RIMS2: variants seen among roughly 807,000 people sequenced by gnomAD.
RIMS2 encodes regulating synaptic membrane exocytosis protein 2.
A neutral mutation model predicts 174.4 loss-of-function variants in RIMS2; 59 were observed. The ratio of observed to expected loss-of-function variants is 0.34; its 90% CI spans 0.27 to 0.42. RIMS2 has a LOEUF of 0.42. Ranked by LOEUF, RIMS2 falls within the 10% of genes least tolerant of loss-of-function variation. The probability of loss-of-function intolerance (pLI) is 1.00; values close to 1 mark genes in which losing one functional copy is unlikely to be tolerated. For synonymous variants in RIMS2, 606 were observed against 572.5 expected (o/e 1.06, Z -0.84); for missense variants, 1,620 against 1,666.3 (o/e 0.97, Z 0.48).
chr8:103,590,084 T>C (rs2094173844), intron 1 of RIMS2, among the ~76,000 whole-genome samples: 2 of 151,402 alleles, frequency 1.3e-5, no homozygotes, highest in Non-Finnish European at 3.0e-5. Context: ...TAGAGGGTAA[T>C]TGGATTGTTT....
chr8:103,600,081 CTCTA>C (rs2094652590), intron 1 of RIMS2, among the ~76,000 whole-genome samples: 2 of 152,184 alleles, frequency 1.3e-5, no homozygotes, highest in African/African-American at 4.8e-5. Flanking sequence ...TCCTTCTACT[CTCTA>C]TCTCCCACAA....
chr8:103,810,005 T>A (rs957363187), intron 3 of RIMS2, among the ~76,000 whole-genome samples: 1 of 152,200 alleles, frequency 6.6e-6, no homozygotes. Flanking sequence ...GTAAGTCAGA[T>A]AATCTTAGCT....
intron 19 of RIMS2, 49 bp downstream of exon 22, chr8:104,041,407 C>T (rs1399252002): frequency 4.5e-6 from 3 of 664,564 alleles, no homozygotes; most frequent in Non-Finnish European, 2.7e-6. Flanking sequence ...TCTAACTTGT[C>T]CTAGAAATGT....
At chr8:103,572,162 G>A (rs1436797267) in intron 1 of RIMS2, among the ~76,000 whole-genome samples, 1 of 152,136 alleles carries the variant, frequency 6.6e-6, no homozygotes, top group Non-Finnish European at 1.5e-5. Context: ...CTTCAGGAGT[G>A]AAGCTGCAGA....
intron 2 of RIMS2, among the ~76,000 whole-genome samples, chr8:103,722,533 G>A (rs1027297944): frequency 6.6e-6 from 1 of 152,102 alleles, no homozygotes; most frequent in African/African-American, 2.4e-5. Flanking sequence ...GATAGGATTT[G>A]TGTTCCTGTG....
intron 2 of RIMS2, among the ~76,000 whole-genome samples, chr8:103,738,161 T>G (rs542017578): frequency 6.6e-6 from 1 of 152,308 alleles, no homozygotes; most frequent in African/African-American, 2.4e-5. Context: ...TCACTAATTT[T>G]CTTCCCTGCC....
chr8:103,716,397 T>C (rs1047419682), intron 2 of RIMS2, 77 bp downstream of exon 5: 1 of 152,186 alleles, frequency 6.6e-6, no homozygotes, highest in South Asian at 2.1e-4. Flanking sequence ...ATAGCTATAT[T>C]TAATTTATAT....
intron 1 of RIMS2, among the ~76,000 whole-genome samples, chr8:103,660,147 G>A (rs1564188885): frequency 6.6e-6 from 1 of 152,192 alleles, no homozygotes; most frequent in Non-Finnish European, 1.5e-5. Context: ...CAATTACCTG[G>A]ATGTTGAGGA....
In RIMS2 at chr8:103,881,070, G is replaced by A. The variant is rs534995128; in HGVS notation, c.699-4228G>A. ...TGATTTACATATTTTTATTTATAAA[G>A]TAACAATTTTTTAATGATCTCTACT... On this transcript the variant is annotated intron_variant, in intron 3 of 23. Transcript: ENST00000504942. Among the ~76,000 whole-genome samples the A allele has an allele frequency of 8.6e-5, 13 of 151,422 alleles. No homozygotes were observed. The East Asian group carries it at 2.5e-3, about 29-fold the overall frequency.
At chr8:103,998,202 C>T (rs767227927) in intron 17 of RIMS2, 1 of 1,607,244 alleles carries the variant, frequency 6.2e-7, no homozygotes, top group Non-Finnish European at 8.5e-7. Flanking sequence ...CTTACTCTAC[C>T]TCGCTCCAGA....
chr8:104,210,084 AAGGCTAAAGTCC>A (rs1353944288), intron 19 of RIMS2, among the ~76,000 whole-genome samples: 1 of 152,178 alleles, frequency 6.6e-6, no homozygotes, highest in Non-Finnish European at 1.5e-5. Flanking sequence ...CAATACCACA[AAGGCTAAAGTCC>A]AAATGACCTG....
intron 1 of RIMS2, among the ~76,000 whole-genome samples, chr8:103,637,111 T>A (rs2096105824): frequency 6.6e-6 from 1 of 152,192 alleles, no homozygotes; most frequent in Non-Finnish European, 1.5e-5. Context: ...ACAGGAACTG[T>A]TCTGGCTTAC....
intron 1 of RIMS2, among the ~76,000 whole-genome samples, chr8:103,596,895 T>C (rs1238337537): frequency 3.3e-5 from 5 of 152,118 alleles, no homozygotes; most frequent in Non-Finnish European, 7.4e-5. Context: ...TGCTGAGCTC[T>C]ATTGGAAATA....
rs981422694 is a variant in RIMS2 at position 104,041,315 on chromosome 8, T to C, written c.3334+26700T>C. 4.3e-6 allele frequency: 3 copies of C among 696,008 alleles called. No homozygotes were observed. Among genetic ancestry groups the C allele is most frequent in the Non-Finnish European group, 5.3e-6 (2 of 378,800 alleles). 43.1% of individuals were successfully genotyped at this position (696,008 alleles called of 1,614,324 possible). A position where few individuals can be genotyped will look rare whatever the true frequency, so the allele number is the denominator to read the frequency against. On this transcript the variant is annotated intron_variant, in intron 19 of 23. Coordinates refer to ENST00000504942, the Ensembl canonical transcript of RIMS2. ...TTGTCTATGTCTGTCCATTACACGA[T>C]GTGATCACAGAAGAACTGGACTCTA...
chr8:104,133,373 G>A (rs778196954), intron 19 of RIMS2, among the ~76,000 whole-genome samples: 1 of 152,176 alleles, frequency 6.6e-6, no homozygotes, highest in Admixed American at 6.6e-5. Context: ...CTGAGGTCCT[G>A]TGGAGGAATT....
At chr8:103,509,942 A>G (rs778229979) in intron 1 of RIMS2, among the ~76,000 whole-genome samples, 2 of 152,180 alleles carry the variant, frequency 1.3e-5, no homozygotes, top group African/African-American at 2.4e-5. Context: ...ATTTGGAATT[A>G]ACAACTTTTG....
Position 103,915,519 on chromosome 8 carries a change from T to A in RIMS2, c.1837T>A (p.Ser613Thr), listed in dbSNP as rs201686148. The change falls in exon 7 of 24, where the codon TCA (serine) becomes ACA (threonine). Residue 613 changes from serine to threonine, a missense_variant. Ser to Thr is a moderately conservative substitution (Grantham distance 58). Coordinates refer to ENST00000504942, the Ensembl canonical transcript of RIMS2. ...GGTTGTAGGAGGAAAGATGACTGAA[T>A]CAGGTCGGCTTTGTGCATTTATTAC... The A allele has an allele frequency of 5.9e-5, 94 of 1,603,052 alleles. No individual in the cohort carries two copies. In the African/African-American group the frequency reaches 1.1e-3, roughly 19 times the overall value.
chr8:104,222,571 A>G (rs936671655), intron 19 of RIMS2, among the ~76,000 whole-genome samples: 2 of 152,198 alleles, frequency 1.3e-5, no homozygotes, highest in African/African-American at 4.8e-5. Flanking sequence ...TACAAAAAGT[A>G]AGGCAGTCAT....
intron 17 of RIMS2, among the ~76,000 whole-genome samples, chr8:104,008,660 T>C (rs1328123324): frequency 1.3e-5 from 2 of 152,000 alleles, no homozygotes; most frequent in African/African-American, 4.8e-5. Context: ...CTTCTCTTTT[T>C]GATAATAAAA....
Sources: allele counts gnomAD v4.1 joint callset (sites outside exome capture counted in the v4.1 genomes callset), GRCh38; gene constraint gnomAD v4.1.1; transcripts MANE v1.5; gene names NCBI Gene and HGNC (gene_info 2026-07-23, HGNC 2026-07-21).